ESRP2: variants seen among roughly 807,000 people sequenced by gnomAD.
ESRP2 encodes RNA binding motif protein 35A.
A neutral mutation model predicts 78.6 loss-of-function variants in ESRP2; 48 were observed. The observed-to-expected ratio is 0.61, with a 90% CI of 0.48 to 0.78. ESRP2 has a LOEUF of 0.78. Ranked by LOEUF, ESRP2 falls within the 30% of genes least tolerant of loss-of-function variation. The pLI, the probability that ESRP2 is intolerant of heterozygous loss-of-function variation, is 0.00. For missense variants in ESRP2, 863 were observed against 965.9 expected, an observed-to-expected ratio of 0.89 and a Z score of 1.41; for synonymous variants, 383 against 406.7, an observed-to-expected ratio of 0.94 and a Z score of 0.70.
In ESRP2 at chr16:68,232,835, G is replaced by T. The variant is rs769948176; in HGVS notation, c.656-20C>A. On this transcript the variant is annotated intron_variant, in intron 5 of 14. Transcript: ENST00000473183. The surrounding 1 kb of genome is among the most constrained non-coding windows in gnomAD (Gnocchi z 5.2). ...ATTGACCTGAGAAAAGATGGCCTGG[G>T]GGTCAGCAGGGTCTGGTGGAGAGGG... The T allele has an allele frequency of 6.2e-7, 1 of 1,614,164 alleles. No homozygotes were observed. Among genetic ancestry groups the T allele is most frequent in the Non-Finnish European group, 8.5e-7 (1 of 1,180,038 alleles).
chr16:68,234,285 C>T, intron 2 of ESRP2, 178 bp from the exon 3 acceptor site: 1 of 593,392 alleles, frequency 1.7e-6, no homozygotes, highest in Non-Finnish European at 3.0e-6. Flanking sequence ...TTCCCCTCAC[C>T]CCCCAACCCT....
Position 68,231,873 on chromosome 16 carries a change from G to A in ESRP2, c.1228C>T (p.Arg410Cys), listed in dbSNP as rs201685431. The A allele has an allele frequency of 1.1e-4, 176 of 1,613,956 alleles. No individual in the cohort carries two copies. The highest frequency in any genetic ancestry group is 5.3e-4 in the Admixed American group (32 of 59,998). Residue 410 changes from arginine (R) to cysteine (C), a missense_variant, in exon 10 of 15, where the codon CGC becomes TGC. Coordinates refer to ENST00000473183, the MANE Select transcript of ESRP2 (RefSeq NM_024939.3). This position sits in a 1 kb window ranked among gnomAD's most constrained non-coding sequence, Gnocchi z 6.0. Reference sequence around the variant, plus strand: ...TTACCCAGCATGCCCTTGTGCCTGCGCAGTGCAGCCTGTGCCAGCTCCTCA... The same window carrying A: ...TTACCCAGCATGCCCTTGTGCCTGCACAGTGCAGCCTGTGCCAGCTCCTCA... The part of the protein sequence containing the change: ...ACEELAQAAL[R>C]RHKGMLGKRY...
Position 68,230,082 on chromosome 16 carries a change from TG to T in ESRP2, c.*143del, listed in dbSNP as rs1160304525. ...AGGCAGAATAAGTGGAGGATGGAGCTGGGGCTTGGGCTCCTCTAGGTACCTT... is the reference window on the plus strand; with the variant it reads ...AGGCAGAATAAGTGGAGGATGGAGCTGGGCTTGGGCTCCTCTAGGTACCTT... On this transcript the variant is annotated 3_prime_UTR_variant, in exon 15 of 15. Coordinates refer to ENST00000473183, the MANE Select transcript of ESRP2 (RefSeq NM_024939.3). 2 of 706,128 alleles carry T rather than the reference TG, an allele frequency of 2.8e-6. No individual in the cohort carries two copies. The highest frequency in any genetic ancestry group is 2.7e-5 in the East Asian group (1 of 37,512). 43.7% of individuals were successfully genotyped at this position (706,128 alleles called of 1,614,324 possible). A position where few individuals can be genotyped will look rare whatever the true frequency, so the allele number is the denominator to read the frequency against.
At position 68,235,701 on chromosome 16, in the gene ESRP2, C is replaced by G; in HGVS notation, c.260G>C (p.Arg87Pro). ...GTCGGCGCTCAGGCCGCTCGCCTCG[C>G]GGCACTGCGTACTCAGTGCGGCCGC... ...AEAAALSTQC[R>P]EASGLSADSL... The change falls in exon 2 of 15, where the codon CGC (arginine) becomes CCC (proline). Residue 87 changes from arginine (R) to proline (P), a missense_variant. Physicochemically the swap from Arg to Pro is moderately radical, Grantham distance 103 (BLOSUM62 -2). Coordinates refer to ENST00000473183, the MANE Select transcript of ESRP2 (RefSeq NM_024939.3). This position sits in a 1 kb window ranked among gnomAD's most constrained non-coding sequence, Gnocchi z 5.5. 1.2e-6 allele frequency: 2 copies of G among 1,602,046 alleles called. No individual in the cohort carries two copies. The highest frequency in any genetic ancestry group is 1.7e-6 in the Non-Finnish European group (2 of 1,178,490).
At chr16:68,234,563 G>C (rs1421387889) in intron 2 of ESRP2, 2 of 156,232 alleles carry the variant, frequency 1.3e-5, no homozygotes, top group Non-Finnish European at 2.8e-5. Context: ...ACCAACCGAG[G>C]GGCAGAGAAA....
chr16:68,232,708 G>A lies in ESRP2; in HGVS notation c.711-21C>T, dbSNP rs1347439217. Reference sequence around the variant, plus strand: ...TGCTGCTGTAGGGGCAGGGCACAGTGCTGTCAGAGCTATTCAGCTGTTGTC... The same window carrying A: ...TGCTGCTGTAGGGGCAGGGCACAGTACTGTCAGAGCTATTCAGCTGTTGTC... On this transcript the variant is annotated intron_variant, in intron 6 of 14. Coordinates refer to ENST00000473183, the MANE Select transcript of ESRP2 (RefSeq NM_024939.3). The surrounding 1 kb of genome is among the most constrained non-coding windows in gnomAD (Gnocchi z 5.2). 6.8e-6 allele frequency: 11 copies of A among 1,614,100 alleles called. No homozygotes were observed. Among genetic ancestry groups the A allele is most frequent in the Non-Finnish European group, 9.3e-6 (11 of 1,180,036 alleles).
At position 68,230,185 on chromosome 16, in the gene ESRP2, G is replaced by C; in HGVS notation, c.*41C>G. The C allele has an allele frequency of 6.3e-7, 1 of 1,578,442 alleles. No individual in the cohort carries two copies. The highest frequency in any genetic ancestry group is 8.7e-7 in the Non-Finnish European group (1 of 1,147,782). ...TTCTGGACTCAGGAGAGACATGTTC[G>C]CCGAGGATATCAGCTGGCTCTTACC... On this transcript the variant is annotated 3_prime_UTR_variant, in exon 15 of 15. Coordinates refer to ENST00000473183, the MANE Select transcript of ESRP2 (RefSeq NM_024939.3).
At position 68,230,546 on chromosome 16, in the gene ESRP2, A is replaced by C. The variant is rs1269317785; in HGVS notation, c.1907T>G (p.Val636Gly). ...NYTAYYPSPP[V>G]SPTTVGYLTT... ...GAGGTAGCCCACAGTGGTGGGGGAG[A>C]CTGGGGGGCTAGGGTGGGAGAGACA... The change falls in exon 14 of 15, where the codon GTC (valine) becomes GGC (glycine). Residue 636 changes from valine (V) to glycine (G), a missense_variant. Val to Gly is a moderately radical substitution (Grantham distance 109). Coordinates refer to ENST00000473183, the MANE Select transcript of ESRP2 (RefSeq NM_024939.3). 1 of 1,567,824 alleles carries C rather than the reference A, an allele frequency of 6.4e-7. No homozygotes were observed. Among genetic ancestry groups the C allele is most frequent in the Non-Finnish European group, 8.7e-7 (1 of 1,155,094 alleles).
chr16:68,232,271 C>G lies in ESRP2; in HGVS notation c.972G>C (p.Gly324=). 3 of 1,614,170 alleles carry G rather than the reference C, an allele frequency of 1.9e-6. No homozygotes were observed. Among genetic ancestry groups the G allele is most frequent in the Non-Finnish European group, 2.5e-6 (3 of 1,180,026 alleles). ...VRYIEVYKAT[G]EEFVKIAGGT... is the part of the protein sequence containing the mutation. ...CCCCTGCAATCTTTACAAACTCCTC[C>G]CCTGTCGCTTTATACACCTGTGGGT... The change falls in exon 9 of 15, where the codon GGG becomes GGC. Residue 324 remains glycine, a synonymous_variant. Transcript: ENST00000473183. The surrounding 1 kb of genome is among the most constrained non-coding windows in gnomAD (Gnocchi z 5.2).
In ESRP2 at chr16:68,235,207, T is replaced by A. The variant is rs2042207450; in HGVS notation, c.327+427A>T. 6.1e-6 allele frequency: 6 copies of A among 985,212 alleles called. No individual in the cohort carries two copies. The highest frequency in any genetic ancestry group is 7.2e-6 in the Non-Finnish European group (6 of 829,900). The allele number at this position is 985,212 out of a possible 1,614,324, so 61.0% of individuals were successfully genotyped here. A position where few individuals can be genotyped will look rare whatever the true frequency, so the allele number is the denominator to read the frequency against. ...TCTAGGGCCGACACCGCCCTACGCC[T>A]CCGCTCCAGCAGCTCCCAAGCAGGC... is the stretch of plus-strand genomic sequence containing the variant. On this transcript the variant is annotated intron_variant, in intron 2 of 14. Coordinates refer to ENST00000473183, the MANE Select transcript of ESRP2 (RefSeq NM_024939.3). This position sits in a 1 kb window ranked among gnomAD's most constrained non-coding sequence, Gnocchi z 5.5.
At position 68,229,878 on chromosome 16, in the gene ESRP2, C is replaced by A. The variant is rs2042102873; in HGVS notation, c.*348G>T. ...AGAGCTTCCATTTTATAAAAGAAAG[C>A]AAGCCTGCCGTGGACCTGTCAGCCC... On this transcript the variant is annotated 3_prime_UTR_variant, in exon 15 of 15. Transcript: ENST00000473183. 1 of 289,036 alleles carries A rather than the reference C, an allele frequency of 3.5e-6. No homozygotes were observed. Among genetic ancestry groups the A allele is most frequent in the Admixed American group, 4.4e-5 (1 of 22,652 alleles). 17.9% of individuals were successfully genotyped at this position (289,036 alleles called of 1,614,324 possible).
chr16:68,233,231 T>C (rs2042171925), intron 5 of ESRP2, 96 bp downstream of exon 5: 3 of 809,772 alleles, frequency 3.7e-6, no homozygotes, highest in African/African-American at 1.8e-5. Context: ...ACAAAGAGGA[T>C]TCCCCCGTGG....
At position 68,232,333 on chromosome 16, in the gene ESRP2, C is replaced by T. The variant is rs1467235303; in HGVS notation, c.954+38G>A. The T allele has an allele frequency of 6.2e-7, 1 of 1,614,194 alleles. No homozygotes were observed. The highest frequency in any genetic ancestry group is 1.7e-5 in the Admixed American group (1 of 60,028). On this transcript the variant is annotated intron_variant, in intron 8 of 14. Transcript: ENST00000473183. The surrounding 1 kb of genome is among the most constrained non-coding windows in gnomAD (Gnocchi z 5.2). ...CAGCCCATGGGTCTCAGGCCTGACTCAGATTGGCCCTGCTCCGCTCCCAGC... is the reference window on the plus strand; with the variant it reads ...CAGCCCATGGGTCTCAGGCCTGACTTAGATTGGCCCTGCTCCGCTCCCAGC...
chr16:68,231,586 G>C lies in ESRP2; in HGVS notation c.1408C>G (p.Arg470Gly). Residue 470 changes from arginine (R) to glycine (G), a missense_variant, in exon 11 of 15, where the codon CGA (arginine) becomes GGA (glycine). By Grantham distance (125) the Arg-to-Gly change is moderately radical. Transcript: ENST00000473183. This position sits in a 1 kb window ranked among gnomAD's most constrained non-coding sequence, Gnocchi z 6.0. Reference sequence around the variant, plus strand: ...ATGGTGGCCGTGTAGGGCAGGCCTCGGAGGCGTACACAGTCCCTCCCAGTC... The same window carrying C: ...ATGGTGGCCGTGTAGGGCAGGCCTCCGAGGCGTACACAGTCCCTCCCAGTC... ...PGTGRDCVRL[R>G]GLPYTATIED... The C allele has an allele frequency of 1.2e-6, 2 of 1,614,006 alleles. No individual in the cohort carries two copies. Among genetic ancestry groups the C allele is most frequent in the Non-Finnish European group, 1.7e-6 (2 of 1,179,976 alleles).
At position 68,230,907 on chromosome 16, in the gene ESRP2, G is replaced by T; in HGVS notation, c.1832C>A (p.Thr611Asn). 6.2e-7 allele frequency: 1 copy of T among 1,614,044 alleles called. No homozygotes were observed. Among genetic ancestry groups the T allele is most frequent in the South Asian group, 1.1e-5 (1 of 91,086 alleles). The change falls in exon 13 of 15, where the codon ACC (threonine) becomes AAC (asparagine). Residue 611 changes from threonine to asparagine, a missense_variant. Coordinates refer to ENST00000473183, the MANE Select transcript of ESRP2 (RefSeq NM_024939.3). ...LPAARVPAAPTPVAYYPGPAT... is the reference protein window; with the variant it reads ...LPAARVPAAPNPVAYYPGPAT... ...TGGCCCTGGATAGTAGGCAACAGGG[G>T]TGGGGGCAGCAGGCACCCTGGCAGC... is the stretch of plus-strand genomic sequence containing the variant.
At chr16:68,233,266 G>A in intron 5 of ESRP2, 61 bp downstream of exon 5, 4 of 1,147,624 alleles carry the variant, frequency 3.5e-6, no homozygotes, top group Non-Finnish European at 4.0e-6. Context: ...TCACAGTGGG[G>A]AGGAGCAATA....
chr16:68,235,547 G>T lies in ESRP2; in HGVS notation c.327+87C>A. 1 of 1,541,308 alleles carries T rather than the reference G, an allele frequency of 6.5e-7. No individual in the cohort carries two copies. Among genetic ancestry groups the T allele is most frequent in the South Asian group, 1.2e-5 (1 of 82,112 alleles). On this transcript the variant is annotated intron_variant, in intron 2 of 14. Coordinates refer to ENST00000473183, the MANE Select transcript of ESRP2 (RefSeq NM_024939.3). This position sits in a 1 kb window ranked among gnomAD's most constrained non-coding sequence, Gnocchi z 5.5. ...CCTGCCGCCTGGACCGGTTGGTTGC[G>T]GCACGCCAGGCCTAGCCTCCGGCCG...
chr16:68,232,239 T>C lies in ESRP2; in HGVS notation c.997+7A>G, dbSNP rs986098637. The C allele has an allele frequency of 1.3e-5, 21 of 1,614,024 alleles. No homozygotes were observed. The highest frequency in any genetic ancestry group is 1.3e-5 in the Non-Finnish European group (15 of 1,180,016). On this transcript the variant is annotated splice_region_variant and intron_variant, in intron 9 of 14. Transcript: ENST00000473183. This position sits in a 1 kb window ranked among gnomAD's most constrained non-coding sequence, Gnocchi z 5.2. ...GGGGAGCCAGGCCCTGTTTGCAGTA[T>C]ACTCACCCCCTGCAATCTTTACAAA...
intron 4 of ESRP2, 102 bp from the exon 5 acceptor site, chr16:68,233,527 A>T: frequency 2.1e-6 from 2 of 945,358 alleles, no homozygotes; most frequent in Non-Finnish European, 1.7e-6. Flanking sequence ...GGAGACCAGC[A>T]TACACATTTG....
Sources: allele counts gnomAD v4.1 joint callset, GRCh38; gene constraint gnomAD v4.1.1; non-coding constraint Gnocchi (gnomAD v3.1); transcripts MANE v1.5; gene names NCBI Gene and HGNC (gene_info 2026-07-23, HGNC 2026-07-21).